Variants in MYO3B observed in about 807,000 individuals in gnomAD.
MYO3B encodes the protein myosin-IIIb.
A neutral mutation model predicts 174.6 loss-of-function variants in MYO3B; 156 were observed. The ratio of observed to expected loss-of-function variants is 0.89; its 90% CI spans 0.78 to 1.02. MYO3B has a LOEUF of 1.02. Ranked by LOEUF, MYO3B falls within the 50% of genes least tolerant of loss-of-function variation. The pLI, the probability that MYO3B is intolerant of heterozygous loss-of-function variation, is 0.00. For synonymous variants in MYO3B, 563 were observed against 569.1 expected (o/e 0.99, Z 0.15); for missense variants, 1,632 against 1,639.4 (o/e 1.00, Z 0.08).
At chr2:170,342,393 G>T (rs1037265545) in intron 8 of MYO3B, 2 of 152,254 alleles carry the variant, frequency 1.3e-5, no homozygotes, top group African/African-American at 2.4e-5. Context: ...TTGTCTGTGT[G>T]TGCTTGTGCC....
intron 32 of MYO3B, 82 bp downstream of exon 32, chr2:170,544,070 T>G: frequency 9.1e-7 from 1 of 1,101,442 alleles, no homozygotes; most frequent in South Asian, 1.4e-5. Flanking sequence ...TGGGCAGGAC[T>G]CAATTAGATA....
intron 32 of MYO3B, among the ~76,000 whole-genome samples, chr2:170,609,888 G>A (rs944365265): frequency 2.6e-5 from 4 of 152,228 alleles, no homozygotes; most frequent in African/African-American, 9.6e-5. Context: ...GGAAAGGGGG[G>A]CCAGGCCCTG....
At chr2:170,651,509 A>G (rs1411124420) in intron 32 of MYO3B, 119 bp from the exon 33 acceptor site, 5 of 741,336 alleles carry the variant, frequency 6.7e-6, no homozygotes, top group African/African-American at 3.5e-5. Flanking sequence ...TAAAGCTTTT[A>G]ATATGCCCAT....
chr2:170,258,917 C>G (rs757457748), intron 7 of MYO3B, among the ~76,000 whole-genome samples: 1 of 152,106 alleles, frequency 6.6e-6, no homozygotes, highest in African/African-American at 2.4e-5. Flanking sequence ...TTTCTATACA[C>G]CAGTCTTGTT....
intron 32 of MYO3B, among the ~76,000 whole-genome samples, chr2:170,630,175 G>T (rs1474585917): frequency 6.6e-6 from 1 of 152,204 alleles, no homozygotes; most frequent in African/African-American, 2.4e-5. Context: ...GTGACAGACT[G>T]TACCAGGAAA....
At chr2:170,398,847 AT>A (rs1360247050) in intron 16 of MYO3B, among the ~76,000 whole-genome samples, 2 of 152,176 alleles carry the variant, frequency 1.3e-5, no homozygotes, top group African/African-American at 4.8e-5. Flanking sequence ...AGCCCTCTGT[AT>A]ATGTGGGTTT....
At chr2:170,639,070 C>T (rs903371027) in intron 32 of MYO3B, among the ~76,000 whole-genome samples, 1 of 152,194 alleles carries the variant, frequency 6.6e-6, no homozygotes, top group African/African-American at 2.4e-5. Context: ...GACCCCGTCA[C>T]AATTAGCTTA....
intron 28 of MYO3B, among the ~76,000 whole-genome samples, chr2:170,507,865 A>G (rs997198418): frequency 1.3e-5 from 2 of 152,212 alleles, no homozygotes; most frequent in Non-Finnish European, 2.9e-5. Flanking sequence ...CTGACAAGAA[A>G]TGAGCTCTGC....
At chr2:170,369,403 C>A in intron 9 of MYO3B, 26 bp downstream of exon 9, 1 of 1,593,596 alleles carries the variant, frequency 6.3e-7, no homozygotes. Context: ...TCTTCTTTCT[C>A]CCTGTGGTTG....
chr2:170,214,938 G>T, intron 5 of MYO3B, 110 bp downstream of exon 5: 1 of 777,276 alleles, frequency 1.3e-6, no homozygotes. Context: ...TAGGCTGAGG[G>T]ACTTTTCCAG....
At chr2:170,365,094 G>T (rs1331643364) in intron 8 of MYO3B, among the ~76,000 whole-genome samples, 1 of 152,194 alleles carries the variant, frequency 6.6e-6, no homozygotes, top group Non-Finnish European at 1.5e-5. Context: ...GCTCCAGGAA[G>T]TCTTCCCTGA....
chr2:170,474,034 T>C (rs1685152055), intron 25 of MYO3B, among the ~76,000 whole-genome samples: 1 of 152,196 alleles, frequency 6.6e-6, no homozygotes, highest in South Asian at 2.1e-4. Context: ...CATATTGGCT[T>C]AGGAAATTAG....
In MYO3B at chr2:170,600,358, A is replaced by G. The variant is rs143990033; in HGVS notation, c.3734-51270A>G. Among the ~76,000 whole-genome samples, 630 of 152,270 alleles carry G rather than the reference A, an allele frequency of 4.1e-3. 4 individuals are homozygous for G. The highest frequency in any genetic ancestry group is 0.015 in the African/African-American group (608 of 41,562). ...AATCTCGAAAACCACAAAATTGCCA[A>G]ATTGTTCCCTAAACTGCTAGGCAGA... On this transcript the variant is annotated intron_variant, in intron 32 of 34. Transcript: ENST00000408978.
In MYO3B at chr2:170,623,202, G is replaced by C. The variant is rs190843245; in HGVS notation, c.3734-28426G>C. 2.4e-3 allele frequency among the ~76,000 whole-genome samples: 364 copies of C among 152,276 alleles called. 5 individuals carry two copies. Among genetic ancestry groups the C allele is most frequent in the Non-Finnish European group, 3.7e-3 (253 of 68,028 alleles). ...ACAGTCCCACCAACAGTGTAAAACT[G>C]TTCCTATTTCTCCACATCCTCTCCA... On this transcript the variant is annotated intron_variant, in intron 32 of 34. Coordinates refer to ENST00000408978, the MANE Select transcript of MYO3B (RefSeq NM_138995.5).
chr2:170,371,788 G>C (rs1376551572), intron 9 of MYO3B, among the ~76,000 whole-genome samples: 1 of 151,812 alleles, frequency 6.6e-6, no homozygotes, highest in Admixed American at 6.6e-5. Flanking sequence ...CACCCGGCAG[G>C]CAGTGCAATG....
chr2:170,594,360 A>C (rs1262596552), intron 32 of MYO3B, among the ~76,000 whole-genome samples: 1 of 152,176 alleles, frequency 6.6e-6, no homozygotes, highest in Non-Finnish European at 1.5e-5. Context: ...GAGATGAGAG[A>C]TGAGGAGAGG....
chr2:170,503,784 C>A (rs1210595925), intron 28 of MYO3B, among the ~76,000 whole-genome samples: 1 of 152,110 alleles, frequency 6.6e-6, no homozygotes, highest in Non-Finnish European at 1.5e-5. Context: ...GAAGGTGGCA[C>A]CAACACCACC....
chr2:170,364,311 A>G (rs2094182892), intron 8 of MYO3B, among the ~76,000 whole-genome samples: 1 of 152,184 alleles, frequency 6.6e-6, no homozygotes, highest in Non-Finnish European at 1.5e-5. Flanking sequence ...AGCTCTTGTA[A>G]GAACCTTTAA....
chr2:170,272,240 G>A (rs1225384885), intron 7 of MYO3B, among the ~76,000 whole-genome samples: 3 of 152,138 alleles, frequency 2.0e-5, no homozygotes, highest in Non-Finnish European at 4.4e-5. Context: ...ACTGGGAGTG[G>A]GGACCAGTGA....
Sources: gnomAD v4.1 joint callset for allele counts (sites outside exome capture counted in the v4.1 genomes callset) on GRCh38, gnomAD v4.1.1 for gene constraint, MANE v1.5 for transcripts, NCBI Gene and HGNC (gene_info 2026-07-23, HGNC 2026-07-21) for gene names.